Variants in KCNH4 observed in about 807,000 individuals in gnomAD.
KCNH4 encodes potassium voltage-gated channel subfamily H member 4.
A neutral mutation model predicts 90.7 loss-of-function variants in KCNH4; 33 were observed. The ratio of observed to expected loss-of-function variants is 0.36; its 90% CI spans 0.28 to 0.49. KCNH4 has a LOEUF of 0.49. Ranked by LOEUF, KCNH4 falls within the 20% of genes least tolerant of loss-of-function variation. The probability of loss-of-function intolerance (pLI) is 0.98; values close to 1 mark genes in which losing one functional copy is unlikely to be tolerated. For synonymous variants in KCNH4, 551 were observed against 581.7 expected (o/e 0.95, Z 0.76); for missense variants, 1,044 against 1,387.1 (o/e 0.75, Z 3.93).
chr17:42,178,743 A>G (rs2079880489), intron 2 of KCNH4, 50 bp downstream of exon 2: 1 of 1,507,726 alleles, frequency 6.6e-7, no homozygotes, highest in Admixed American at 1.7e-5. Context: ...TGCCCTCTGG[A>G]TAAGGCTAGG....
intron 4 of KCNH4, among the ~76,000 whole-genome samples, chr17:42,177,620 A>T (rs560523534): frequency 7.2e-5 from 11 of 152,182 alleles, no homozygotes; most frequent in Non-Finnish European, 1.3e-4. Context: ...GGCTGGGTAT[A>T]TCCCAGCAGG....
At position 42,165,311 on chromosome 17, in the gene KCNH4, G is replaced by C. The variant is rs2079779242; in HGVS notation, c.2085+138C>G. 10 of 1,071,000 alleles carry C rather than the reference G, an allele frequency of 9.3e-6. 1 individual carries two copies. In the South Asian group the frequency reaches 1.5e-4, roughly 16 times the overall value. 66.3% of individuals were successfully genotyped at this position (1,071,000 alleles called of 1,614,324 possible). Reference sequence around the variant, plus strand: ...GGGTTGGAAGGTATGAAGCAGGTAAGGGGCAATGGAGGAGGGTGCCTGGGC... The same window carrying C: ...GGGTTGGAAGGTATGAAGCAGGTAACGGGCAATGGAGGAGGGTGCCTGGGC... On this transcript the variant is annotated intron_variant, in intron 11 of 16. Coordinates refer to ENST00000264661, the MANE Select transcript of KCNH4 (RefSeq NM_012285.3).
chr17:42,174,200 C>A (rs1415787208), intron 6 of KCNH4, among the ~76,000 whole-genome samples: 2 of 152,170 alleles, frequency 1.3e-5, no homozygotes, highest in African/African-American at 4.8e-5. Flanking sequence ...ATCCTGCCTG[C>A]CCCTGCTAGG....
rs769747845 is a variant in KCNH4 at position 42,160,346 on chromosome 17, G to T, written c.2748C>A (p.Gly916=). 9 of 1,613,962 alleles carry T rather than the reference G, an allele frequency of 5.6e-6. No individual in the cohort carries two copies. The highest frequency in any genetic ancestry group is 2.7e-5 in the African/African-American group (2 of 74,926). ...GGGTCCAAGCGGAGCCTGCTGGGTG[G>T]CCTGGGGGACCCAGCCTGGCCTGCA... ...GLLQARLGPP[G]HPAGSAWTPD... is the part of the protein sequence containing the mutation. Residue 916 remains glycine (G), a synonymous_variant, in exon 16 of 17, where the codon GGC becomes GGA. Transcript: ENST00000264661.
At position 42,171,849 on chromosome 17, in the gene KCNH4, G is replaced by A. The variant is rs2079829209; in HGVS notation, c.1134C>T (p.Cys378=). ...VFALLAHWMA[C]IWYVIGRREM... Reference sequence around the variant, plus strand: ...CCCGGCGCCCGATGACATACCAGATGCAGGCCATCCAGTGGGCAAGGAGCG... The same window carrying A: ...CCCGGCGCCCGATGACATACCAGATACAGGCCATCCAGTGGGCAAGGAGCG... The change falls in exon 7 of 17, where the codon TGC becomes TGT. Residue 378 remains cysteine (C), a synonymous_variant. Transcript: ENST00000264661. 3 of 1,614,078 alleles carry A rather than the reference G, an allele frequency of 1.9e-6. No homozygotes were observed. The highest frequency in any genetic ancestry group is 2.2e-5 in the South Asian group (2 of 91,088).
Position 42,160,044 on chromosome 17 carries a change from T to C in KCNH4, c.3050A>G (p.His1017Arg). 6.6e-7 allele frequency: 1 copy of C among 1,517,482 alleles called. No homozygotes were observed. The highest frequency in any genetic ancestry group is 2.3e-5 in the East Asian group (1 of 43,606). 94.0% of individuals were successfully genotyped at this position (1,517,482 alleles called of 1,614,324 possible). ...HSFQSRSDTF[H>R] ...GGCCTGGGCCCTGGGCCAGGGTCAG[T>C]GGAACGTGTCTGACCTGGACTGGAA... Residue 1017 changes from histidine to arginine, a missense_variant, in exon 16 of 17, where the codon CAC (histidine) becomes CGC (arginine). By Grantham distance (29) the His-to-Arg change is conservative. This residue lies in a region of KCNH4 where 441 missense variants were observed against 512.3 expected (regional missense o/e 0.86). Transcript: ENST00000264661.
intron 9 of KCNH4, among the ~76,000 whole-genome samples, chr17:42,169,047 A>C (rs571530098): frequency 2.7e-4 from 41 of 151,746 alleles, no homozygotes; most frequent in African/African-American, 9.9e-4. Flanking sequence ...CTGGGATTAC[A>C]GGTGTGAGCC....
intron 1 of KCNH4, among the ~76,000 whole-genome samples, chr17:42,179,455 T>C (rs1598279626): frequency 2.0e-5 from 3 of 152,366 alleles, no homozygotes; most frequent in Middle Eastern, 6.8e-3. Flanking sequence ...TAGGGCATAA[T>C]AGGCCTTCCT....
At chr17:42,161,950 CTCTT>C (rs1193698362) in intron 15 of KCNH4, among the ~76,000 whole-genome samples, 8 of 144,712 alleles carry the variant, frequency 5.5e-5, no homozygotes, top group Admixed American at 5.5e-4. Flanking sequence ...GAATATCTCT[CTCTT>C]TTTTTTTTTT....
At position 42,180,854 on chromosome 17, in the gene KCNH4, C is replaced by A. The variant is rs1227587496; in HGVS notation, c.76+16G>T. The A allele has an allele frequency of 6.2e-7, 1 of 1,613,578 alleles. No individual in the cohort carries two copies. The highest frequency in any genetic ancestry group is 8.5e-7 in the Non-Finnish European group (1 of 1,179,598). On this transcript the variant is annotated intron_variant, in intron 1 of 16. Transcript: ENST00000264661. This position sits in a 1 kb window ranked among gnomAD's most constrained non-coding sequence, Gnocchi z 4.7. The stretch of plus-strand genomic sequence containing the variant: ...CCCCAGCTCGAACCTCAAGCCCCGA[C>A]CTCCGTCCCACTCACGCGTTCCGTC...
chr17:42,161,755 A>G (rs548324723), intron 15 of KCNH4, among the ~76,000 whole-genome samples: 2 of 152,326 alleles, frequency 1.3e-5, no homozygotes, highest in Admixed American at 1.3e-4. Context: ...CGGAGTGCCT[A>G]TGACATGCCA....
Position 42,157,879 on chromosome 17 carries a change from G to A in KCNH4, c.*310-761C>T, listed in dbSNP as rs189518322. On this transcript the variant is annotated intron_variant, in intron 16 of 16. Transcript: ENST00000264661. ...TCATCCTTCCACCTCAGCTTCTGGA[G>A]TAGCTGGAACCACAGGCACTCACCA... Among the ~76,000 whole-genome samples, 337 of 152,174 alleles carry A rather than the reference G, an allele frequency of 2.2e-3. 1 individual carries two copies. Among genetic ancestry groups the A allele is most frequent in the Admixed American group, 4.1e-3 (63 of 15,288 alleles).
Position 42,171,295 on chromosome 17 carries a change from G to C in KCNH4, c.1195+493C>G, listed in dbSNP as rs74324171. On this transcript the variant is annotated intron_variant, in intron 7 of 16. Transcript: ENST00000264661. ...GGTCAAATTCACGGGACATTTGAGA[G>C]GTGGTATTGATGTGGTGGGCTAGGT... Among the ~76,000 whole-genome samples, 612 of 152,188 alleles carry C rather than the reference G, an allele frequency of 4.0e-3. 7 individuals carry two copies. Among genetic ancestry groups the C allele is most frequent in the African/African-American group, 0.014 (587 of 41,504 alleles).
intron 6 of KCNH4, among the ~76,000 whole-genome samples, chr17:42,174,884 C>T (rs2079851272): frequency 6.6e-6 from 1 of 152,162 alleles, no homozygotes; most frequent in South Asian, 2.1e-4. Flanking sequence ...CCCCCAAATG[C>T]TTGCTGTCCT....
intron 9 of KCNH4, 37 bp from the exon 10 acceptor site, chr17:42,166,583 T>C (rs753594817): frequency 3.2e-6 from 5 of 1,582,736 alleles, no homozygotes; most frequent in Non-Finnish European, 2.6e-6. Flanking sequence ...GCCATCCCCC[T>C]GCAGCTACTA....
chr17:42,180,491 G>C lies in KCNH4; in HGVS notation c.76+379C>G, dbSNP rs1174731776. Among the ~76,000 whole-genome samples the C allele has an allele frequency of 6.6e-5, 10 of 152,062 alleles. No homozygotes were observed. The highest frequency in any genetic ancestry group is 1.3e-4 in the Non-Finnish European group (9 of 68,018). On this transcript the variant is annotated intron_variant, in intron 1 of 16. Coordinates refer to ENST00000264661, the MANE Select transcript of KCNH4 (RefSeq NM_012285.3). This position sits in a 1 kb window ranked among gnomAD's most constrained non-coding sequence, Gnocchi z 4.7. Reference sequence around the variant, plus strand: ...TTTTCTGGAGGTAGTGGGAGCTGGAGTCTGTGAGTAGACCCCAGAATGCCC... The same window carrying C: ...TTTTCTGGAGGTAGTGGGAGCTGGACTCTGTGAGTAGACCCCAGAATGCCC...
rs1163768172 is a variant in KCNH4, at chr17:42,181,132, C to T, written c.-187G>A. 1.8e-6 allele frequency: 1 copy of T among 551,976 alleles called. No individual in the cohort carries two copies. Among genetic ancestry groups the T allele is most frequent in the Non-Finnish European group, 3.2e-6 (1 of 316,398 alleles). 34.2% of individuals were successfully genotyped at this position (551,976 alleles called of 1,614,324 possible). ...CCGTAGCTCTCGGCTCGGCTCAGCG[C>T]CGTTTCGGTCCCCCCCACCTCCCCA... On this transcript the variant is annotated 5_prime_UTR_variant, in exon 1 of 17. Transcript: ENST00000264661.
At position 42,170,114 on chromosome 17, in the gene KCNH4, G is replaced by A. The variant is rs768966292; in HGVS notation, c.1383C>T (p.Leu461=). Residue 461 remains leucine, a synonymous_variant, in exon 8 of 17, where the codon CTC becomes CTT. Transcript: ENST00000264661. ...AEKIFSICTM[L]IGALMHAVVF... Reference sequence around the variant, plus strand: ...TGGCAGGTCTGGCCTCACCGCCTATGAGCATCGTGCAGATGGAGAAGATCT... The same window carrying A: ...TGGCAGGTCTGGCCTCACCGCCTATAAGCATCGTGCAGATGGAGAAGATCT... 1.1e-5 allele frequency: 17 copies of A among 1,606,354 alleles called. No homozygotes were observed. In the Admixed American group the frequency reaches 2.4e-4, roughly 22 times the overall value.
intron 15 of KCNH4, among the ~76,000 whole-genome samples, chr17:42,161,331 C>T (rs538292073): frequency 2.0e-5 from 3 of 152,320 alleles, no homozygotes; most frequent in Non-Finnish European, 2.9e-5. Flanking sequence ...TGAACAAGAG[C>T]CAGCCCCGCT....
Sources: gnomAD v4.1 joint callset for allele counts (sites outside exome capture counted in the v4.1 genomes callset) on GRCh38, gnomAD v4.1.1 for gene constraint, gnomAD v4.1.1 regional missense constraint, Gnocchi (gnomAD v3.1) non-coding constraint, MANE v1.5 for transcripts, NCBI Gene and HGNC (gene_info 2026-07-23, HGNC 2026-07-21) for gene names.